FAM110B: variants seen among roughly 807,000 people sequenced by gnomAD.
The protein encoded by FAM110B is family with sequence similarity 110 member B.
FAM110B carries 6 observed loss-of-function variants against 20.4 expected under a neutral mutation model. That is an observed-to-expected ratio of 0.29 (90% CI 0.16 to 0.58). FAM110B has a LOEUF of 0.58. Among genes scored for constraint, FAM110B ranks in the 20% least tolerant of loss-of-function variants. The pLI is 0.90. For synonymous variants in FAM110B, 226 were observed against 214.1 expected, an observed-to-expected ratio of 1.06 and a Z score of -0.49; for missense variants, 434 against 498.2, an observed-to-expected ratio of 0.87 and a Z score of 1.23.
intron 3 of FAM110B, among the ~76,000 whole-genome samples, chr8:58,094,153 G>A (rs1806561289): frequency 6.6e-6 from 1 of 152,188 alleles, no homozygotes; most frequent in Admixed American, 6.5e-5. Context: ...TTTGGGCTGA[G>A]ACGATGGTGT....
intron 3 of FAM110B, among the ~76,000 whole-genome samples, chr8:58,102,151 G>A (rs1274367339): frequency 6.6e-6 from 1 of 152,236 alleles, no homozygotes; most frequent in East Asian, 1.9e-4. Flanking sequence ...GAGCAAGCAT[G>A]TTAAGAGACC....
In FAM110B at chr8:58,148,488, T is replaced by C. The variant is rs1363719370; in HGVS notation, c.*1145T>C. On this transcript the variant is annotated 3_prime_UTR_variant, in exon 4 of 4. Transcript: ENST00000519262. Reference sequence around the variant, plus strand: ...TGTAGCTTTTCCACCCCATGGTCTCTAGTGCTGCCTATCAACTTGTCCCCT... The same window carrying C: ...TGTAGCTTTTCCACCCCATGGTCTCCAGTGCTGCCTATCAACTTGTCCCCT... 1 of 167,120 alleles carries C rather than the reference T, an allele frequency of 6.0e-6. No individual in the cohort carries two copies. The highest frequency in any genetic ancestry group is 1.5e-5 in the Non-Finnish European group (1 of 68,130). The allele number at this position is 167,120 out of a possible 1,614,324, so 10.4% of individuals were successfully genotyped here. A position where few individuals can be genotyped will look rare whatever the true frequency, so the allele number is the denominator to read the frequency against.
intron 3 of FAM110B, among the ~76,000 whole-genome samples, chr8:58,089,027 C>T (rs1175742302): frequency 6.6e-6 from 1 of 152,206 alleles, no homozygotes; most frequent in Non-Finnish European, 1.5e-5. Flanking sequence ...AGATGACAAT[C>T]AAATGGTCCA....
chr8:58,068,833 TG>T (rs1563357681), intron 2 of FAM110B, among the ~76,000 whole-genome samples: 1 of 152,192 alleles, frequency 6.6e-6, no homozygotes, highest in Non-Finnish European at 1.5e-5. Context: ...TGCATTTGAC[TG>T]GCTGACTTCT....
chr8:58,123,917 T>G (rs1309071413), intron 3 of FAM110B, among the ~76,000 whole-genome samples: 4 of 152,250 alleles, frequency 2.6e-5, no homozygotes, highest in African/African-American at 9.6e-5. Context: ...GATTTGATTT[T>G]GTTCTATTTA....
intron 3 of FAM110B, among the ~76,000 whole-genome samples, chr8:58,094,880 G>A (rs530298469): frequency 6.6e-6 from 1 of 152,050 alleles, no homozygotes; most frequent in Non-Finnish European, 1.5e-5. Context: ...TCTTGTCTTG[G>A]ATTTTTTTTG....
At chr8:58,024,906 C>T (rs1804822885) in intron 1 of FAM110B, among the ~76,000 whole-genome samples, 1 of 152,174 alleles carries the variant, frequency 6.6e-6, no homozygotes. Flanking sequence ...TTAAGGCAGC[C>T]TGGATCCTTT....
chr8:58,036,271 G>C (rs141736489), intron 2 of FAM110B, among the ~76,000 whole-genome samples: 10 of 152,306 alleles, frequency 6.6e-5, no homozygotes, highest in African/African-American at 2.4e-4. Context: ...TTCTGGCAGA[G>C]AACAGTATTA....
intron 2 of FAM110B, among the ~76,000 whole-genome samples, chr8:58,074,484 G>A (rs1282735623): frequency 7.2e-5 from 11 of 152,130 alleles, no homozygotes; most frequent in Non-Finnish European, 2.9e-5. Flanking sequence ...ACTGCCTGCA[G>A]GATTTCACTC....
rs191197074 is a variant in FAM110B, at chr8:58,109,610, C to T, written c.-325+33987C>T. Among the ~76,000 whole-genome samples, 207 of 152,238 alleles carry T rather than the reference C, an allele frequency of 1.4e-3. 1 individual carries two copies. Among genetic ancestry groups the T allele is most frequent in the African/African-American group, 4.7e-3 (196 of 41,552 alleles). ...TGTTGATGTTCCTGTGGCTTATACA[C>T]CTGCCCAAAGCTGTGCTCCACTGAC... On this transcript the variant is annotated intron_variant, in intron 3 of 3. Transcript: ENST00000519262.
chr8:58,087,819 T>C (rs1806376500), intron 3 of FAM110B, among the ~76,000 whole-genome samples: 1 of 152,214 alleles, frequency 6.6e-6, no homozygotes, highest in South Asian at 2.1e-4. Context: ...TGAAGATTAC[T>C]GATCCTCAAA....
chr8:58,070,484 A>ATGG (rs1189247200), intron 2 of FAM110B: 2 of 152,226 alleles, frequency 1.3e-5, no homozygotes, highest in African/African-American at 4.8e-5. Context: ...TGCTTTGTTA[A>ATGG]TACCATGGGT....
chr8:58,069,540 G>A (rs531635862), intron 2 of FAM110B, among the ~76,000 whole-genome samples: 1 of 152,282 alleles, frequency 6.6e-6, no homozygotes, highest in South Asian at 2.1e-4. Context: ...GTGGCCAAAT[G>A]TGTTTAATTT....
intron 3 of FAM110B, among the ~76,000 whole-genome samples, chr8:58,123,676 T>C (rs1326826722): frequency 6.6e-6 from 1 of 152,200 alleles, no homozygotes; most frequent in Non-Finnish European, 1.5e-5. Context: ...CTGTAGTACA[T>C]GAACATGATA....
chr8:58,068,835 G>A (rs1805831856), intron 2 of FAM110B, among the ~76,000 whole-genome samples: 1 of 152,082 alleles, frequency 6.6e-6, no homozygotes. Flanking sequence ...CATTTGACTG[G>A]CTGACTTCTC....
chr8:58,093,964 A>G (rs903230599), intron 3 of FAM110B, among the ~76,000 whole-genome samples: 1 of 152,196 alleles, frequency 6.6e-6, no homozygotes, highest in Non-Finnish European at 1.5e-5. Flanking sequence ...GGTCCTTCAC[A>G]GCCCTTGTAA....
rs139885080 is a variant in FAM110B at position 58,087,231 on chromosome 8, G to A, written c.-325+11608G>A. ...CCTCCTCAGGGGTGTTTACCATGTA[G>A]TAGTGCCAAAGAAACCAGCGCTGTG... On this transcript the variant is annotated intron_variant, in intron 3 of 3. Coordinates refer to ENST00000519262, the MANE Select transcript of FAM110B (RefSeq NM_001377989.1). Among the ~76,000 whole-genome samples the A allele has an allele frequency of 3.7e-3, 567 of 152,336 alleles. 3 individuals are homozygous for A. The highest frequency in any genetic ancestry group is 5.7e-3 in the Non-Finnish European group (385 of 68,032).
intron 2 of FAM110B, among the ~76,000 whole-genome samples, chr8:58,052,579 AT>A: frequency 6.6e-6 from 1 of 152,110 alleles, no homozygotes. Flanking sequence ...ATAAATAAAT[AT>A]ATAACATATT....
At chr8:58,019,261 C>T (rs1804695554) in intron 1 of FAM110B, among the ~76,000 whole-genome samples, 1 of 137,638 alleles carries the variant, frequency 7.3e-6, no homozygotes, top group Admixed American at 8.0e-5. Context: ...TCTCTTGAAC[C>T]CGGGAGGTGG....
Sources: gnomAD v4.1 joint callset for allele counts (sites outside exome capture counted in the v4.1 genomes callset) on GRCh38, gnomAD v4.1.1 for gene constraint, MANE v1.5 for transcripts, NCBI Gene and HGNC (gene_info 2026-07-23, HGNC 2026-07-21) for gene names.